ABI2: variants seen among roughly 807,000 people sequenced by gnomAD.
The protein encoded by ABI2 is abl interactor 2, also known as abelson interactor 2.
In ABI2, 25 loss-of-function variants were observed where a neutral mutation model predicts 59.2. The ratio of observed to expected loss-of-function variants is 0.42; its 90% CI spans 0.31 to 0.59. The LOEUF (loss-of-function observed/expected upper bound fraction) is 0.59, where lower values mean the gene tolerates loss of function less well. ABI2 is among the 20% of genes least tolerant of loss of function. The pLI, the probability that ABI2 is intolerant of heterozygous loss-of-function variation, is 0.14. For missense variants in ABI2, 545 were observed against 681.8 expected (o/e 0.80, Z 2.23); for synonymous variants, 213 against 235.5 (o/e 0.90, Z 0.87).
intron 9 of ABI2, among the ~76,000 whole-genome samples, chr2:203,405,965 A>G (rs2097408827): frequency 6.6e-6 from 1 of 152,218 alleles, no homozygotes; most frequent in Non-Finnish European, 1.5e-5. Flanking sequence ...TGTTTTTTTC[A>G]TGAGATTATT....
intron 7 of ABI2, among the ~76,000 whole-genome samples, chr2:203,396,122 T>C (rs543517178): frequency 1.1e-4 from 17 of 152,286 alleles, no homozygotes; most frequent in Middle Eastern, 3.4e-3. Context: ...AACAAAGGAT[T>C]GGGCAGATAT....
chr2:203,338,945 T>TATATATATATAA lies in ABI2; in HGVS notation c.117+10325_117+10326insAATATATATATA, dbSNP rs1559153907. The stretch of plus-strand genomic sequence containing the variant: ...GTGTGTGTGTATATGTATATATATA[T>TATATATATATAA]ATATATATATATATATAAATATATA... On this transcript the variant is annotated intron_variant, in intron 1 of 11. Transcript: ENST00000261018. Among the ~76,000 whole-genome samples the TATATATATATAA allele has an allele frequency of 1.0e-3, 43 of 42,510 alleles. 1 individual carries two copies. The highest frequency in any genetic ancestry group is 0.01 in the Middle Eastern group (1 of 98). The allele number at this position is 42,510 out of a possible 152,430, so 27.9% of individuals were successfully genotyped here.
chr2:203,395,000 T>C, intron 6 of ABI2, 154 bp downstream of exon 6: 1 of 873,476 alleles, frequency 1.1e-6, no homozygotes, highest in South Asian at 1.4e-5. Flanking sequence ...CTCCTCATGT[T>C]CTGATTCAAC....
intron 9 of ABI2, among the ~76,000 whole-genome samples, chr2:203,409,990 T>G (rs866766887): frequency 6.6e-6 from 1 of 152,218 alleles, no homozygotes; most frequent in African/African-American, 2.4e-5. Context: ...ACTTTCTCTT[T>G]GGGTATCTTT....
At chr2:203,329,535 C>A in intron 1 of ABI2, among the ~76,000 whole-genome samples, 1 of 151,284 alleles carries the variant, frequency 6.6e-6, no homozygotes, top group South Asian at 2.1e-4. Flanking sequence ...GGTTAAAAGG[C>A]ACAGTTTGCA....
chr2:203,354,573 A>C (rs1254202715), intron 1 of ABI2, among the ~76,000 whole-genome samples: 1 of 152,206 alleles, frequency 6.6e-6, no homozygotes, highest in Non-Finnish European at 1.5e-5. Flanking sequence ...GGAGTTTTGT[A>C]GATGCTGTGG....
chr2:203,378,531 G>A (rs932609576), intron 2 of ABI2, among the ~76,000 whole-genome samples: 1 of 152,144 alleles, frequency 6.6e-6, no homozygotes, highest in East Asian at 1.9e-4. Flanking sequence ...TGTTTTTAAG[G>A]TCTCTTGGTT....
intron 1 of ABI2, among the ~76,000 whole-genome samples, chr2:203,346,613 C>A (rs755768014): frequency 4.6e-5 from 7 of 152,236 alleles, no homozygotes; most frequent in South Asian, 2.1e-4. Context: ...TTCTCCCCCA[C>A]CACATTTAAC....
chr2:203,410,974 A>G (rs1175656308), intron 9 of ABI2, among the ~76,000 whole-genome samples: 4 of 150,452 alleles, frequency 2.7e-5, no homozygotes, highest in Non-Finnish European at 5.9e-5. Context: ...TATATAAAAC[A>G]TGATTGTTAT....
chr2:203,366,329 T>G (rs1454814197), intron 1 of ABI2, among the ~76,000 whole-genome samples: 1 of 152,050 alleles, frequency 6.6e-6, no homozygotes, highest in African/African-American at 2.4e-5. Flanking sequence ...GAAGGAAGGA[T>G]CCTTTTATTA....
intron 4 of ABI2, among the ~76,000 whole-genome samples, chr2:203,388,311 G>A (rs950791667): frequency 6.6e-6 from 1 of 152,120 alleles, no homozygotes; most frequent in Non-Finnish European, 1.5e-5. Flanking sequence ...ACTTATGTTA[G>A]TCATCCAATC....
chr2:203,408,833 C>CTTTCTTTCTTTTT (rs1259310860), intron 9 of ABI2, among the ~76,000 whole-genome samples: 4 of 87,204 alleles, frequency 4.6e-5, no homozygotes, highest in Non-Finnish European at 9.6e-5. Flanking sequence ...CTTCTCCTTT[C>CTTTCTTTCTTTTT]TTTTTTTTTT....
At chr2:203,413,262 C>CA (rs1201021342) in intron 10 of ABI2, among the ~76,000 whole-genome samples, 8 of 152,190 alleles carry the variant, frequency 5.3e-5, no homozygotes, top group African/African-American at 1.9e-4. Context: ...ATTTTCTTAG[C>CA]AAAAAATGAG....
intron 3 of ABI2, among the ~76,000 whole-genome samples, chr2:203,381,441 T>C (rs1162530484): frequency 2.6e-5 from 4 of 152,086 alleles, no homozygotes; most frequent in African/African-American, 9.7e-5. Flanking sequence ...AGCTAAATTT[T>C]TTGTTTGTAG....
At chr2:203,340,984 A>G (rs1022605391) in intron 1 of ABI2, among the ~76,000 whole-genome samples, 7 of 152,208 alleles carry the variant, frequency 4.6e-5, no homozygotes, top group Non-Finnish European at 1.0e-4. Context: ...CATACCAGGC[A>G]TACTTCTGCC....
intron 8 of ABI2, among the ~76,000 whole-genome samples, chr2:203,397,841 C>T (rs1004640136): frequency 2.6e-5 from 4 of 151,930 alleles, no homozygotes; most frequent in East Asian, 1.9e-4. Context: ...GAGGACAAGG[C>T]GGGAGGTGCT....
intron 9 of ABI2, among the ~76,000 whole-genome samples, chr2:203,408,124 A>G (rs1474780264): frequency 6.6e-6 from 1 of 151,908 alleles, no homozygotes; most frequent in Non-Finnish European, 1.5e-5. Context: ...TCATTCTTTT[A>G]AGGAAGAACT....
Position 203,416,976 on chromosome 2 carries a change from C to T in ABI2, c.1348C>T (p.Pro450Ser). The T allele has an allele frequency of 1.2e-6, 2 of 1,614,136 alleles. No homozygotes were observed. Among genetic ancestry groups the T allele is most frequent in the Non-Finnish European group, 8.5e-7 (1 of 1,180,020 alleles). Residue 450 changes from proline (P) to serine (S), a missense_variant, in exon 11 of 12, where the codon CCT (proline) becomes TCT (serine). Physicochemically the swap from Pro to Ser is moderately conservative, Grantham distance 74. Around this residue, in one of 4 missense-constraint regions of ABI2, gnomAD observed 410 missense variants for 435.6 expected, o/e 0.94. Coordinates refer to ENST00000261018, the MANE Select transcript of ABI2 (RefSeq NM_001375670.1). ...CTTTGATGAGTCTCCCCCACCTCCT[C>T]CTCCTCCAGAAGATTACGAAGAGGA... ...PVFDESPPPPPPPEDYEEEEA... is the reference protein window; with the variant it reads ...PVFDESPPPPSPPEDYEEEEA...
intron 1 of ABI2, among the ~76,000 whole-genome samples, chr2:203,342,588 A>ATTTAT (rs1336154472): frequency 1.5e-4 from 22 of 150,270 alleles, no homozygotes; most frequent in African/African-American, 4.9e-4. Flanking sequence ...TTATTTATTT[A>ATTTAT]TTTATTTTTG....
Sources: gnomAD v4.1 joint callset for allele counts (sites outside exome capture counted in the v4.1 genomes callset) on GRCh38, gnomAD v4.1.1 for gene constraint, gnomAD v4.1.1 regional missense constraint, MANE v1.5 for transcripts, NCBI Gene and HGNC (gene_info 2026-07-23, HGNC 2026-07-21) for gene names.